Variants in DPYD observed in about 807,000 individuals in gnomAD.
The protein encoded by DPYD is dihydropyrimidine dehydrogenase [NADP(+)].
A neutral mutation model predicts 116.2 loss-of-function variants in DPYD; 109 were observed. That is an observed-to-expected ratio of 0.94 (90% confidence interval 0.80 to 1.10). The LOEUF (loss-of-function observed/expected upper bound fraction) is 1.10, where lower values mean the gene tolerates loss of function less well. Ranked by LOEUF, DPYD falls within the 50% of genes least tolerant of loss-of-function variation. DPYD has a pLI of 0.00. For missense variants in DPYD, 1,302 were observed against 1,254.5 expected, an observed-to-expected ratio of 1.04 and a Z score of -0.57; for synonymous variants, 440 against 432.0, an observed-to-expected ratio of 1.02 and a Z score of -0.23.
chr1:97,778,188 A>AAGAGAG (rs72197937), intron 3 of DPYD, among the ~76,000 whole-genome samples: 1 of 106,306 alleles, frequency 9.4e-6, no homozygotes, highest in African/African-American at 3.5e-5. Context: ...GAAAGAAAGA[A>AAGAGAG]AGAGAGAGAG....
At chr1:97,894,476 C>T (rs1672950286) in intron 1 of DPYD, among the ~76,000 whole-genome samples, 1 of 151,640 alleles carries the variant, frequency 6.6e-6, no homozygotes. Flanking sequence ...TCACCTTTAG[C>T]CTAAGAGTTC....
At chr1:97,418,331 GTC>G (rs1674393708) in intron 14 of DPYD, among the ~76,000 whole-genome samples, 2 of 148,256 alleles carry the variant, frequency 1.3e-5, no homozygotes, top group Non-Finnish European at 1.5e-5. Flanking sequence ...TTGAGATGGA[GTC>G]TCTGTCACCC....
chr1:97,298,182 G>A (rs914101490), intron 18 of DPYD, among the ~76,000 whole-genome samples: 2 of 152,148 alleles, frequency 1.3e-5, no homozygotes, highest in African/African-American at 2.4e-5. Flanking sequence ...AATGCTCGAT[G>A]ATACTAATCT....
rs529449773 is a variant in DPYD at position 97,078,456 on chromosome 1, A to G, written c.*520T>C. ...AGGCTTTCTTATCCTGCCATAGCAA[A>G]TAATTTTTTGACTTTCTTCATTTGT... On this transcript the variant is annotated 3_prime_UTR_variant, in exon 23 of 23. Coordinates refer to ENST00000370192, the MANE Select transcript of DPYD (RefSeq NM_000110.4). The G allele has an allele frequency of 1.7e-5, 3 of 174,612 alleles. No homozygotes were observed. In the South Asian group the frequency reaches 3.7e-4, roughly 22 times the overall value. 10.8% of individuals were successfully genotyped at this position (174,612 alleles called of 1,614,324 possible).
At chr1:97,172,179 G>A (rs1239451438) in intron 20 of DPYD, among the ~76,000 whole-genome samples, 1 of 152,074 alleles carries the variant, frequency 6.6e-6, no homozygotes, top group Non-Finnish European at 1.5e-5. Flanking sequence ...ATCTTTCTTC[G>A]TAGGCTCTCT....
chr1:97,879,310 A>C (rs1235421612), intron 2 of DPYD, among the ~76,000 whole-genome samples: 1 of 151,956 alleles, frequency 6.6e-6, no homozygotes, highest in African/African-American at 2.4e-5. Flanking sequence ...TGTGTCATGC[A>C]TTTAGAACAA....
intron 8 of DPYD, among the ~76,000 whole-genome samples, chr1:97,595,583 TC>T: frequency 6.6e-6 from 1 of 152,000 alleles, no homozygotes; most frequent in African/African-American, 2.4e-5. Context: ...TAAAATCATT[TC>T]TTTTTTAATG....
chr1:97,299,095 CAG>C (rs1666712194), intron 18 of DPYD, among the ~76,000 whole-genome samples: 1 of 152,086 alleles, frequency 6.6e-6, no homozygotes, highest in Non-Finnish European at 1.5e-5. Flanking sequence ...CTGAAGCTTA[CAG>C]AGATGTGTAG....
At chr1:97,470,708 T>G (rs1030931131) in intron 13 of DPYD, among the ~76,000 whole-genome samples, 1 of 152,186 alleles carries the variant, frequency 6.6e-6, no homozygotes, top group African/African-American at 2.4e-5. Context: ...ATAAGATTTC[T>G]GAACTAGGGC....
intron 14 of DPYD, among the ~76,000 whole-genome samples, chr1:97,449,220 A>T (rs1676258573): frequency 6.6e-6 from 1 of 152,178 alleles, no homozygotes; most frequent in Non-Finnish European, 1.5e-5. Context: ...AGACATATGT[A>T]GGTAAAAAAA....
At chr1:97,370,349 A>T in intron 16 of DPYD, among the ~76,000 whole-genome samples, 1 of 152,142 alleles carries the variant, frequency 6.6e-6, no homozygotes, top group Non-Finnish European at 1.5e-5. Flanking sequence ...TCACTCATAA[A>T]TGGGAGTTGA....
intron 10 of DPYD, among the ~76,000 whole-genome samples, chr1:97,583,764 ATTTT>A (rs541433954): frequency 2.0e-5 from 3 of 148,778 alleles, no homozygotes; most frequent in African/African-American, 7.6e-5. Context: ...GTGACGCAAT[ATTTT>A]TTTTAACAGT....
At chr1:97,818,067 G>T (rs548902034) in intron 3 of DPYD, among the ~76,000 whole-genome samples, 3 of 151,986 alleles carry the variant, frequency 2.0e-5, no homozygotes, top group Non-Finnish European at 4.4e-5. Flanking sequence ...GGAAAATGCA[G>T]TTTTTTCCTG....
intron 14 of DPYD, among the ~76,000 whole-genome samples, chr1:97,420,650 T>C (rs1674529638): frequency 1.3e-5 from 2 of 152,098 alleles, no homozygotes; most frequent in African/African-American, 4.8e-5. Flanking sequence ...AGGGATCTCT[T>C]TCCAACCATC....
intron 20 of DPYD, among the ~76,000 whole-genome samples, chr1:97,112,092 G>T (rs1651639427): frequency 6.6e-6 from 1 of 152,136 alleles, no homozygotes; most frequent in East Asian, 1.9e-4. Flanking sequence ...TTCTAGCAAT[G>T]TCTCATAGCT....
At chr1:97,491,990 T>C (rs557522534) in intron 13 of DPYD, among the ~76,000 whole-genome samples, 1 of 152,270 alleles carries the variant, frequency 6.6e-6, no homozygotes, top group South Asian at 2.1e-4. Flanking sequence ...TTCCCTTTTA[T>C]GTTTCAATGC....
At chr1:97,518,192 C>CA (rs1359992774) in intron 12 of DPYD, among the ~76,000 whole-genome samples, 1 of 151,894 alleles carries the variant, frequency 6.6e-6, no homozygotes, top group Non-Finnish European at 1.5e-5. Context: ...AAAATACACA[C>CA]ACACACACAC....
intron 2 of DPYD, among the ~76,000 whole-genome samples, chr1:97,844,111 G>C (rs1670172168): frequency 6.6e-6 from 1 of 152,148 alleles, no homozygotes; most frequent in South Asian, 2.1e-4. Flanking sequence ...AAGAGAGTCA[G>C]TATGCCTAAA....
chr1:97,840,655 G>C (rs1019216962), intron 2 of DPYD, among the ~76,000 whole-genome samples: 4 of 151,936 alleles, frequency 2.6e-5, no homozygotes, highest in African/African-American at 7.2e-5. Flanking sequence ...ACATTAATTG[G>C]AAAAATGAAT....
Sources: allele counts gnomAD v4.1 joint callset (sites outside exome capture counted in the v4.1 genomes callset), GRCh38; gene constraint gnomAD v4.1.1; transcripts MANE v1.5; gene names NCBI Gene and HGNC (gene_info 2026-07-23, HGNC 2026-07-21).